The following TBPL2 variants were observed in gnomAD, a reference collection of about 807,000 sequenced individuals.
The protein encoded by TBPL2 is TATA box-binding protein-like 2.
A neutral mutation model predicts 38.2 loss-of-function variants in TBPL2; 40 were observed. That is an observed-to-expected ratio of 1.05 (90% confidence interval 0.81 to 1.36). TBPL2 has a LOEUF of 1.36. Ranked by LOEUF, TBPL2 falls within the 40% of genes most tolerant of loss-of-function variation. The pLI is 0.00. For synonymous variants in TBPL2, 169 were observed against 171.7 expected, an observed-to-expected ratio of 0.98 and a Z score of 0.12; for missense variants, 461 against 456.7, an observed-to-expected ratio of 1.01 and a Z score of -0.09.
intron 6 of TBPL2, among the ~76,000 whole-genome samples, chr14:55,419,397 G>A (rs1264063251): frequency 2.0e-5 from 3 of 152,214 alleles, no homozygotes; most frequent in Admixed American, 2.0e-4. Context: ...CCTGATCTTA[G>A]AAGTGGAAGT....
chr14:55,438,387 C>T (rs1231076035), intron 1 of TBPL2, among the ~76,000 whole-genome samples: 3 of 152,130 alleles, frequency 2.0e-5, no homozygotes, highest in Non-Finnish European at 2.9e-5. Flanking sequence ...ATACATGATA[C>T]GCTCCCATCT....
chr14:55,435,808 G>A (rs1886002771), intron 3 of TBPL2, 39 bp downstream of exon 3: 1 of 1,318,056 alleles, frequency 7.6e-7, no homozygotes, highest in Non-Finnish European at 1.0e-6. Context: ...TAAATCTAAA[G>A]AGAAGCTAAT....
At chr14:55,421,259 A>G (rs1241786637) in intron 6 of TBPL2, among the ~76,000 whole-genome samples, 2 of 148,102 alleles carry the variant, frequency 1.4e-5, no homozygotes, top group African/African-American at 2.5e-5. Context: ...TTCCCTAAGT[A>G]GGGTATGTAT....
At chr14:55,437,140 T>C in intron 1 of TBPL2, 122 bp from the exon 2 acceptor site, 1 of 829,536 alleles carries the variant, frequency 1.2e-6, no homozygotes, top group Middle Eastern at 3.5e-4. Flanking sequence ...AGTTCAAGAT[T>C]GCTTGTATTC....
intron 3 of TBPL2, among the ~76,000 whole-genome samples, chr14:55,434,484 G>A (rs979085145): frequency 9.2e-5 from 14 of 152,252 alleles, no homozygotes; most frequent in African/African-American, 3.1e-4. Context: ...TAAGGGCCAA[G>A]CCAGAATTTC....
intron 5 of TBPL2, among the ~76,000 whole-genome samples, chr14:55,425,565 T>C (rs1432344600): frequency 6.6e-6 from 1 of 152,234 alleles, no homozygotes; most frequent in Non-Finnish European, 1.5e-5. Flanking sequence ...AAAAGAAGGC[T>C]GAGGCAGAGA....
At chr14:55,414,449 T>G (rs1263986016) in exon 7 of TBPL2, 3 of 1,603,312 alleles carry the variant, frequency 1.9e-6, no homozygotes, top group African/African-American at 1.3e-5. Flanking sequence ...AGAACGTTCT[T>G]TGGCACCTAT....
At chr14:55,426,338 C>A (rs1006785220) in intron 5 of TBPL2, among the ~76,000 whole-genome samples, 2 of 151,512 alleles carry the variant, frequency 1.3e-5, no homozygotes, top group Non-Finnish European at 2.9e-5. Flanking sequence ...ATGATTATGT[C>A]ATAGAAAGAT....
At chr14:55,417,065 G>A (rs1463579315) in intron 6 of TBPL2, among the ~76,000 whole-genome samples, 4 of 152,198 alleles carry the variant, frequency 2.6e-5, no homozygotes, top group South Asian at 2.1e-4. Flanking sequence ...TTTCCCAAGA[G>A]GGAATGGACA....
At chr14:55,424,238 C>T in exon 6 of TBPL2, 1 of 1,612,300 alleles carries the variant, frequency 6.2e-7, no homozygotes, top group Admixed American at 1.7e-5. Flanking sequence ...GACCAGGAAA[C>T]AGTTCAGGCT....
chr14:55,415,884 G>T (rs775361132), intron 6 of TBPL2, among the ~76,000 whole-genome samples: 2 of 151,994 alleles, frequency 1.3e-5, no homozygotes, highest in Non-Finnish European at 2.9e-5. Context: ...AAAATGTATG[G>T]TGTGTATATA....
intron 6 of TBPL2, among the ~76,000 whole-genome samples, chr14:55,416,052 G>A (rs542383790): frequency 2.6e-5 from 4 of 152,298 alleles, no homozygotes; most frequent in African/African-American, 9.6e-5. Context: ...CATGGAGACA[G>A]AATTCAGATT....
intron 3 of TBPL2, among the ~76,000 whole-genome samples, chr14:55,434,173 C>G (rs755270191): frequency 1.3e-5 from 2 of 152,108 alleles, no homozygotes; most frequent in Non-Finnish European, 2.9e-5. Context: ...AAAGGCTCAC[C>G]AAGACTTCAG....
intron 3 of TBPL2, among the ~76,000 whole-genome samples, chr14:55,434,673 T>C (rs1464730171): frequency 6.6e-6 from 1 of 152,220 alleles, no homozygotes; most frequent in Non-Finnish European, 1.5e-5. Flanking sequence ...TAGCTCATCT[T>C]TGTGTCTGTC....
intron 4 of TBPL2, 130 bp from the exon 5 acceptor site, chr14:55,429,104 TGAG>T (rs1224239570): frequency 3.3e-5 from 37 of 1,127,266 alleles, no homozygotes; most frequent in East Asian, 5.0e-5. Context: ...GTAGGCTTTG[TGAG>T]GAGGACTTAC....
chr14:55,433,833 A>G, intron 3 of TBPL2, 112 bp from the exon 4 acceptor site: 1 of 872,606 alleles, frequency 1.1e-6, no homozygotes, highest in Non-Finnish European at 1.8e-6. Flanking sequence ...GGAAAACTAA[A>G]TGTCTGGGTC....
intron 6 of TBPL2, among the ~76,000 whole-genome samples, chr14:55,420,050 T>A (rs1426544292): frequency 6.6e-6 from 1 of 152,126 alleles, no homozygotes; most frequent in Non-Finnish European, 1.5e-5. Context: ...TCACCTGAAA[T>A]TAGGCCCTTA....
chr14:55,417,105 G>A (rs1885680587), intron 6 of TBPL2, among the ~76,000 whole-genome samples: 1 of 152,110 alleles, frequency 6.6e-6, no homozygotes, highest in Non-Finnish European at 1.5e-5. Context: ...ATAGAGAAAC[G>A]ATTTTAGACA....
intron 6 of TBPL2, among the ~76,000 whole-genome samples, chr14:55,416,164 C>T (rs1885665610): frequency 6.6e-6 from 1 of 152,118 alleles, no homozygotes; most frequent in African/African-American, 2.4e-5. Context: ...CTAGGTAGAG[C>T]CGGTGGTATA....
Sources: gnomAD v4.1 joint callset for allele counts (sites outside exome capture counted in the v4.1 genomes callset) on GRCh38, gnomAD v4.1.1 for gene constraint, MANE v1.5 for transcripts, NCBI Gene and HGNC (gene_info 2026-07-23, HGNC 2026-07-21) for gene names.